TTC17: variants seen among roughly 807,000 people sequenced by gnomAD.
The protein encoded by TTC17 is tetratricopeptide repeat protein 17.
Under a neutral mutation model 143.8 loss-of-function variants are expected in TTC17, and 58 were observed. The ratio of observed to expected loss-of-function variants is 0.40; its 90% CI spans 0.33 to 0.50. TTC17 has a LOEUF of 0.50. Among genes scored for constraint, TTC17 ranks in the 20% least tolerant of loss-of-function variants. TTC17 has a pLI of 0.49. For missense variants in TTC17, 1,273 were observed against 1,392.5 expected (o/e 0.91, Z 1.37); for synonymous variants, 501 against 497.8 (o/e 1.01, Z -0.09).
chr11:43,391,978 C>G, intron 5 of TTC17, 26 bp downstream of exon 5: 1 of 1,580,782 alleles, frequency 6.3e-7, no homozygotes, highest in African/African-American at 1.4e-5. Flanking sequence ...CTTAAAGAGC[C>G]AGCGGGCTGA....
chr11:43,394,881 G>T (rs1431368173), intron 5 of TTC17, among the ~76,000 whole-genome samples: 1 of 151,938 alleles, frequency 6.6e-6, no homozygotes, highest in South Asian at 2.1e-4. Context: ...GACCAGAAAG[G>T]GTATCCTGCA....
chr11:43,381,088 C>T (rs1254252660), intron 2 of TTC17, among the ~76,000 whole-genome samples: 1 of 151,900 alleles, frequency 6.6e-6, no homozygotes, highest in Non-Finnish European at 1.5e-5. Context: ...GAAGAAAGTG[C>T]CATTTATTAA....
chr11:43,397,938 G>C (rs1565144743), intron 7 of TTC17, 36 bp from the exon 8 acceptor site: 2 of 1,300,850 alleles, frequency 1.5e-6, no homozygotes, highest in African/African-American at 3.1e-5. Context: ...GTGTGTGTGT[G>C]TGTGTGTGTG....
At chr11:43,433,218 C>T (rs1243044848) in intron 16 of TTC17, among the ~76,000 whole-genome samples, 1 of 152,138 alleles carries the variant, frequency 6.6e-6, no homozygotes, top group Non-Finnish European at 1.5e-5. Context: ...CCAGGATGGT[C>T]TCGATCTCTT....
intron 16 of TTC17, among the ~76,000 whole-genome samples, chr11:43,434,747 C>G (rs547199547): frequency 1.3e-5 from 2 of 152,126 alleles, no homozygotes; most frequent in Non-Finnish European, 2.9e-5. Context: ...AGTTGTTTGT[C>G]GATTTCTTGA....
chr11:43,458,424 G>A (rs139358790), intron 21 of TTC17, among the ~76,000 whole-genome samples: 27 of 152,318 alleles, frequency 1.8e-4, no homozygotes, highest in Non-Finnish European at 3.5e-4. Context: ...GCTTCTCAAA[G>A]CCTAGAAACT....
rs907643976 is a variant in TTC17 at position 43,396,480 on chromosome 11, A to C, written c.664-229A>C. 1.7e-5 allele frequency: 5 copies of C among 299,142 alleles called. No individual in the cohort carries two copies. In the East Asian group the frequency reaches 2.7e-4, roughly 16 times the overall value. 18.5% of individuals were successfully genotyped at this position (299,142 alleles called of 1,614,324 possible). On this transcript the variant is annotated intron_variant, in intron 5 of 23. Coordinates refer to ENST00000039989, the MANE Select transcript of TTC17 (RefSeq NM_018259.6). Reference sequence around the variant, plus strand: ...AATAAGCTGGAGTTGGATGGTCTCTATATGAAGATCACACCCTAATGCACG... The same window carrying C: ...AATAAGCTGGAGTTGGATGGTCTCTCTATGAAGATCACACCCTAATGCACG...
intron 2 of TTC17, among the ~76,000 whole-genome samples, chr11:43,388,858 C>T (rs1857269586): frequency 6.6e-6 from 1 of 151,616 alleles, no homozygotes; most frequent in Non-Finnish European, 1.5e-5. Context: ...CACCTGTAGT[C>T]CCAGCTATTT....
intron 21 of TTC17, among the ~76,000 whole-genome samples, chr11:43,485,067 A>G (rs1948356887): frequency 6.6e-6 from 1 of 152,072 alleles, no homozygotes; most frequent in African/African-American, 2.4e-5. Context: ...GGTGAGTTGT[A>G]TAATTATTTC....
At chr11:43,430,838 C>T (rs1183603649) in intron 16 of TTC17, among the ~76,000 whole-genome samples, 1 of 151,620 alleles carries the variant, frequency 6.6e-6, no homozygotes, top group African/African-American at 2.4e-5. Context: ...GCAGAACATG[C>T]AGGTTTGTTA....
chr11:43,453,180 A>AAAAG (rs10692440), intron 21 of TTC17, among the ~76,000 whole-genome samples: 2 of 152,202 alleles, frequency 1.3e-5, no homozygotes, highest in South Asian at 2.1e-4. Context: ...TGACGAAAAT[A>AAAAG]AGAGAGTTAA....
intron 1 of TTC17, among the ~76,000 whole-genome samples, chr11:43,376,475 G>T (rs1445049805): frequency 6.6e-6 from 1 of 151,982 alleles, no homozygotes. Context: ...TTATTGTTCT[G>T]TGCAGCAATG....
intron 21 of TTC17, among the ~76,000 whole-genome samples, chr11:43,456,713 A>G (rs1947771006): frequency 6.6e-6 from 1 of 152,182 alleles, no homozygotes; most frequent in Non-Finnish European, 1.5e-5. Context: ...GGTGTGAGCT[A>G]AGAACTGGCC....
intron 21 of TTC17, among the ~76,000 whole-genome samples, chr11:43,468,697 G>A (rs1438330160): frequency 1.3e-5 from 2 of 152,080 alleles, no homozygotes; most frequent in African/African-American, 4.8e-5. Flanking sequence ...CACCTTGGGA[G>A]GCCAAAACAG....
chr11:43,491,388 T>A (rs1441250817), intron 22 of TTC17: 1 of 152,256 alleles, frequency 6.6e-6, no homozygotes, highest in Non-Finnish European at 1.5e-5. Context: ...GGGCTGAGGC[T>A]CTACCTCTGG....
chr11:43,468,805 G>C (rs769783036), intron 21 of TTC17, among the ~76,000 whole-genome samples: 3 of 152,072 alleles, frequency 2.0e-5, no homozygotes, highest in Non-Finnish European at 4.4e-5. Flanking sequence ...AACGCCTGTA[G>C]TCCTAGCTAC....
chr11:43,418,456 A>G (rs945480528), intron 16 of TTC17, among the ~76,000 whole-genome samples: 2 of 152,192 alleles, frequency 1.3e-5, no homozygotes, highest in African/African-American at 4.8e-5. Flanking sequence ...GTTTTAAAAT[A>G]CCTACTGTTT....
chr11:43,387,747 T>C (rs1017093194), intron 2 of TTC17, among the ~76,000 whole-genome samples: 31 of 151,678 alleles, frequency 2.0e-4, no homozygotes, highest in African/African-American at 6.5e-4. Context: ...ATGGGACTTA[T>C]GTTACATTGG....
chr11:43,426,874 C>G (rs1179796569), intron 16 of TTC17, among the ~76,000 whole-genome samples: 1 of 152,140 alleles, frequency 6.6e-6, no homozygotes, highest in East Asian at 1.9e-4. Flanking sequence ...GCCTGATAAG[C>G]CCAAAAAGTG....
Sources: gnomAD v4.1 joint callset for allele counts (sites outside exome capture counted in the v4.1 genomes callset) on GRCh38, gnomAD v4.1.1 for gene constraint, MANE v1.5 for transcripts, NCBI Gene and HGNC (gene_info 2026-07-23, HGNC 2026-07-21) for gene names.